ISM1: variants seen among roughly 807,000 people sequenced by gnomAD.
The protein encoded by ISM1 is isthmin 1.
ISM1 carries 25 observed loss-of-function variants against 46.3 expected under a neutral mutation model. That is an observed-to-expected ratio of 0.54 (90% CI 0.39 to 0.75). ISM1 has a LOEUF of 0.75. Ranked by LOEUF, ISM1 falls within the 30% of genes least tolerant of loss-of-function variation. ISM1 has a pLI of 0.00. For missense variants in ISM1, 536 were observed against 625.4 expected, an observed-to-expected ratio of 0.86 and a Z score of 1.52; for synonymous variants, 255 against 256.7, an observed-to-expected ratio of 0.99 and a Z score of 0.06.
chr20:13,221,943 G>A (rs1286983518), intron 1 of ISM1, 29 bp downstream of exon 1: 2 of 1,312,422 alleles, frequency 1.5e-6, no homozygotes, highest in Non-Finnish European at 1.9e-6. Context: ...AGGGCCGTGC[G>A]CGGCTGCGGG....
At position 13,288,635 on chromosome 20, in the gene ISM1, G is replaced by A. The variant is rs371922578; in HGVS notation, c.739G>A (p.Ala247Thr). The change falls in exon 4 of 6, where the codon GCG becomes ACG. Residue 247 changes from alanine to threonine, a missense_variant. Physicochemically the swap from Ala to Thr is moderately conservative, Grantham distance 58. Coordinates refer to ENST00000262487, the MANE Select transcript of ISM1 (RefSeq NM_080826.2). The part of the protein sequence containing the change: ...NQKRTRSCGY[A>T]CTATESRTCD... ...GAAACGGACCCGGTCTTGTGGCTAC[G>A]CGTGCACTGCAACAGAATCGAGGAC... The A allele has an allele frequency of 5.0e-5, 80 of 1,613,898 alleles. No individual in the cohort carries two copies. Among genetic ancestry groups the A allele is most frequent in the Middle Eastern group, 3.3e-4 (2 of 6,084 alleles).
intron 5 of ISM1, among the ~76,000 whole-genome samples, chr20:13,297,152 G>A (rs113677068): frequency 6.6e-5 from 10 of 152,308 alleles, no homozygotes; most frequent in African/African-American, 2.4e-4. Context: ...AGACCTCTGT[G>A]AGTCTTTTCT....
chr20:13,298,263 A>C (rs1600571268), intron 5 of ISM1, among the ~76,000 whole-genome samples: 1 of 151,762 alleles, frequency 6.6e-6, no homozygotes, highest in Non-Finnish European at 1.5e-5. Flanking sequence ...ATGCCACAAC[A>C]CCTGGCTAAT....
the ISM1 span, among the ~76,000 whole-genome samples, chr20:13,310,135 C>T: frequency 6.6e-6 from 1 of 152,070 alleles, no homozygotes; most frequent in African/African-American, 2.4e-5. Flanking sequence ...ATAGCCAAAG[C>T]AATCTTGAGC....
chr20:13,268,730 C>T (rs2040076634), intron 1 of ISM1, among the ~76,000 whole-genome samples: 1 of 152,040 alleles, frequency 6.6e-6, no homozygotes, highest in African/African-American at 2.4e-5. Flanking sequence ...TTCCTGAGCC[C>T]CATTCCTATT....
the ISM1 span, among the ~76,000 whole-genome samples, chr20:13,315,599 T>C: frequency 6.6e-6 from 1 of 151,994 alleles, no homozygotes; most frequent in African/African-American, 2.4e-5. Context: ...CAGATTTCAA[T>C]ACCCCAACAT....
At position 13,279,676 on chromosome 20, in the gene ISM1, A is replaced by G. The variant is rs2040216588; in HGVS notation, c.421A>G (p.Lys141Glu). The G allele has an allele frequency of 1.9e-6, 3 of 1,613,898 alleles. No individual in the cohort carries two copies. Among genetic ancestry groups the G allele is most frequent in the Admixed American group, 1.7e-5 (1 of 60,010 alleles). Reference sequence around the variant, plus strand: ...CGACGGTCCTGACTCTGAAGCAGATAAAGATCAGCATCCGGAGAATAAGCC... The same window carrying G: ...CGACGGTCCTGACTCTGAAGCAGATGAAGATCAGCATCCGGAGAATAAGCC... ...VVDGPDSEAD[K>E]DQHPENKPSW... Residue 141 changes from lysine (K) to glutamate (E), a missense_variant, in exon 3 of 6, where the codon AAA becomes GAA. By Grantham distance (56) the Lys-to-Glu change is moderately conservative. Coordinates refer to ENST00000262487, the MANE Select transcript of ISM1 (RefSeq NM_080826.2).
At chr20:13,275,440 T>C (rs1214393071) in intron 2 of ISM1, among the ~76,000 whole-genome samples, 1 of 152,190 alleles carries the variant, frequency 6.6e-6, no homozygotes, top group African/African-American at 2.4e-5. Context: ...CATGCCCCTA[T>C]AGAGACAAGC....
chr20:13,237,953 G>C (rs1209605941), intron 1 of ISM1: 1 of 152,154 alleles, frequency 6.6e-6, no homozygotes, highest in Non-Finnish European at 1.5e-5. Context: ...ACCAACTGCT[G>C]GCTGAGATGC....
intron 1 of ISM1, among the ~76,000 whole-genome samples, chr20:13,230,060 C>T (rs2039571739): frequency 6.6e-6 from 1 of 152,150 alleles, no homozygotes; most frequent in Admixed American, 6.5e-5. Flanking sequence ...TTATTCACTT[C>T]TACTCATAGT....
At chr20:13,235,773 A>G (rs1234954784) in intron 1 of ISM1, among the ~76,000 whole-genome samples, 1 of 152,170 alleles carries the variant, frequency 6.6e-6, no homozygotes, top group Non-Finnish European at 1.5e-5. Flanking sequence ...TACGTTATTC[A>G]TCACTCACGG....
At chr20:13,289,280 G>C (rs1469823083) in intron 4 of ISM1, among the ~76,000 whole-genome samples, 1 of 152,200 alleles carries the variant, frequency 6.6e-6, no homozygotes, top group African/African-American at 2.4e-5. Flanking sequence ...AAGAGAAACA[G>C]AAGGCAGACA....
downstream of ISM1, among the ~76,000 whole-genome samples, chr20:13,302,697 A>C (rs2040469350): frequency 6.6e-6 from 1 of 152,176 alleles, no homozygotes; most frequent in Non-Finnish European, 1.5e-5. Context: ...GTAGCTGCTC[A>C]AATTTTTCTC....
rs1173533252 is a variant in ISM1 at position 13,240,141 on chromosome 20, CCATT to C, written c.138+18238_138+18241del. ...CCCAGCCACATGGCATTCTACAATTCCATTCATTCATTCAGCACTTTCATATCGC... is the reference window on the plus strand; with the variant it reads ...CCCAGCCACATGGCATTCTACAATTCCATTCATTCAGCACTTTCATATCGC... On this transcript the variant is annotated intron_variant, in intron 1 of 5. Coordinates refer to ENST00000262487, the MANE Select transcript of ISM1 (RefSeq NM_080826.2). Among the ~76,000 whole-genome samples the C allele has an allele frequency of 1.3e-5, 2 of 152,194 alleles. 1 individual carries two copies. Among genetic ancestry groups the C allele is most frequent in the Non-Finnish European group, 2.9e-5 (2 of 68,036 alleles).
intron 1 of ISM1, among the ~76,000 whole-genome samples, chr20:13,227,454 C>A (rs917260909): frequency 6.6e-6 from 1 of 151,034 alleles, no homozygotes; most frequent in Non-Finnish European, 1.5e-5. Flanking sequence ...CTGCCCGCCT[C>A]GACCTCCCAA....
intron 5 of ISM1, among the ~76,000 whole-genome samples, chr20:13,296,077 C>G (rs1019036162): frequency 6.6e-6 from 1 of 152,206 alleles, no homozygotes; most frequent in South Asian, 2.1e-4. Flanking sequence ...TCCCTTAATG[C>G]ACCCCACATT....
chr20:13,223,323 AAACT>A (rs1028759985), intron 1 of ISM1, among the ~76,000 whole-genome samples: 2 of 152,208 alleles, frequency 1.3e-5, no homozygotes, highest in African/African-American at 4.8e-5. Flanking sequence ...CGTAAAGAGA[AAACT>A]AATAAAACAC....
At chr20:13,309,449 A>G in the ISM1 span, among the ~76,000 whole-genome samples, 1 of 152,194 alleles carries the variant, frequency 6.6e-6, no homozygotes, top group African/African-American at 2.4e-5. Context: ...ATATAGCACA[A>G]GCCCACAGCT....
At chr20:13,226,029 T>C (rs1464267183) in intron 1 of ISM1, among the ~76,000 whole-genome samples, 1 of 152,206 alleles carries the variant, frequency 6.6e-6, no homozygotes, top group Non-Finnish European at 1.5e-5. Flanking sequence ...GAATCATGAA[T>C]TTCTATATAT....
Sources: allele counts gnomAD v4.1 joint callset (sites outside exome capture counted in the v4.1 genomes callset), GRCh38; gene constraint gnomAD v4.1.1; transcripts MANE v1.5; gene names NCBI Gene and HGNC (gene_info 2026-07-23, HGNC 2026-07-21).